TBC1D19: variants seen among roughly 807,000 people sequenced by gnomAD.
TBC1D19 encodes TBC1 domain family member 19, also known as TBC1 domain family, member 19.
A neutral mutation model predicts 89.0 loss-of-function variants in TBC1D19; 60 were observed. That is an observed-to-expected ratio of 0.67 (90% CI 0.55 to 0.84). The LOEUF (loss-of-function observed/expected upper bound fraction) is 0.84. TBC1D19 is among the 40% of genes least tolerant of loss of function. The pLI is 0.00. For synonymous variants in TBC1D19, 189 were observed against 199.7 expected, an observed-to-expected ratio of 0.95 and a Z score of 0.45; for missense variants, 500 against 610.8, an observed-to-expected ratio of 0.82 and a Z score of 1.91.
chr4:26,815,291 AT>A, the TBC1D19 span, among the ~76,000 whole-genome samples: 1 of 152,226 alleles, frequency 6.6e-6, no homozygotes. Context: ...TTGGCCCAAA[AT>A]GCTGATCTTT....
At chr4:26,732,360 G>T (rs1290034498) in intron 15 of TBC1D19, among the ~76,000 whole-genome samples, 1 of 152,172 alleles carries the variant, frequency 6.6e-6, no homozygotes, top group Non-Finnish European at 1.5e-5. Flanking sequence ...CTCCGCCCTA[G>T]CCTGGCCTTG....
At chr4:26,825,556 C>G in the TBC1D19 span, among the ~76,000 whole-genome samples, 11 of 152,284 alleles carry the variant, frequency 7.2e-5, no homozygotes, top group South Asian at 2.1e-3. Context: ...TGGAAACACT[C>G]ATTGTTCACT....
chr4:26,809,113 G>GA, the TBC1D19 span, among the ~76,000 whole-genome samples: 4 of 152,218 alleles, frequency 2.6e-5, no homozygotes, highest in Non-Finnish European at 5.9e-5. Context: ...GCTTTGCCAT[G>GA]AAGTGATGAG....
At chr4:26,686,017 G>A (rs1047010681) in intron 12 of TBC1D19, among the ~76,000 whole-genome samples, 1 of 152,112 alleles carries the variant, frequency 6.6e-6, no homozygotes, top group Non-Finnish European at 1.5e-5. Context: ...TAAGCTGTGC[G>A]CAACGTGAAT....
chr4:26,731,028 G>T (rs1933778971), intron 15 of TBC1D19, among the ~76,000 whole-genome samples: 1 of 152,202 alleles, frequency 6.6e-6, no homozygotes, highest in African/African-American at 2.4e-5. Flanking sequence ...CTGTGCCTTA[G>T]TCTAAAAGCA....
At chr4:26,743,159 A>G (rs778408650) in intron 18 of TBC1D19, among the ~76,000 whole-genome samples, 41 of 152,100 alleles carry the variant, frequency 2.7e-4, no homozygotes, top group Middle Eastern at 3.4e-3. Context: ...TATTGGTTCT[A>G]TCTCTCTCTT....
intron 1 of TBC1D19, among the ~76,000 whole-genome samples, chr4:26,609,361 G>A (rs1741220193): frequency 1.3e-5 from 2 of 152,200 alleles, no homozygotes; most frequent in South Asian, 4.1e-4. Context: ...TAGGTGAGCT[G>A]AAAATTACAT....
At chr4:26,771,232 A>G in the TBC1D19 span, among the ~76,000 whole-genome samples, 2 of 152,078 alleles carry the variant, frequency 1.3e-5, no homozygotes, top group Admixed American at 1.3e-4. Flanking sequence ...ACACTTGTAC[A>G]CTGTTAGTGG....
At chr4:26,630,086 A>G (rs866886775) in intron 4 of TBC1D19, among the ~76,000 whole-genome samples, 22 of 151,758 alleles carry the variant, frequency 1.4e-4, no homozygotes, top group African/African-American at 5.1e-4. Flanking sequence ...ATATGGTTTA[A>G]AAGTCATTTT....
chr4:26,604,940 C>CT lies in TBC1D19; in HGVS notation c.100-8228dup, dbSNP rs370333046. Among the ~76,000 whole-genome samples, 578 of 151,988 alleles carry CT rather than the reference C, an allele frequency of 3.8e-3. 2 individuals are homozygous for CT. Among genetic ancestry groups the CT allele is most frequent in the African/African-American group, 0.013 (554 of 41,466 alleles). ...ACTATGAACATTAGTGTGCAAATAT[C>CT]TGAGTGTCTGTTTTCATTTCTTTGG... On this transcript the variant is annotated intron_variant, in intron 1 of 20. Transcript: ENST00000264866.
chr4:26,788,693 C>G, the TBC1D19 span, among the ~76,000 whole-genome samples: 1 of 152,184 alleles, frequency 6.6e-6, no homozygotes, highest in Non-Finnish European at 1.5e-5. Flanking sequence ...TTAAATGTGT[C>G]AAGAAGGACC....
At chr4:26,651,776 TC>T (rs1364379806) in intron 7 of TBC1D19, among the ~76,000 whole-genome samples, 1 of 152,158 alleles carries the variant, frequency 6.6e-6, no homozygotes, top group Non-Finnish European at 1.5e-5. Flanking sequence ...AGAGAGGGCA[TC>T]CCTCTCTTGT....
intron 1 of TBC1D19, among the ~76,000 whole-genome samples, chr4:26,594,487 A>T (rs1360643488): frequency 1.3e-5 from 2 of 152,048 alleles, no homozygotes; most frequent in Non-Finnish European, 1.5e-5. Flanking sequence ...AGTGAGCCTT[A>T]TCTCTCCCTT....
chr4:26,834,383 CA>C, the TBC1D19 span, among the ~76,000 whole-genome samples: 1 of 152,188 alleles, frequency 6.6e-6, no homozygotes, highest in Non-Finnish European at 1.5e-5. Context: ...ATTAATTCAA[CA>C]AATATTCATT....
chr4:26,776,560 C>A, the TBC1D19 span, among the ~76,000 whole-genome samples: 2 of 152,230 alleles, frequency 1.3e-5, no homozygotes, highest in African/African-American at 4.8e-5. Flanking sequence ...ATATTGAATA[C>A]CCACCATCTG....
chr4:26,648,786 C>A (rs1034327515), intron 7 of TBC1D19, among the ~76,000 whole-genome samples: 2 of 152,108 alleles, frequency 1.3e-5, no homozygotes, highest in Non-Finnish European at 2.9e-5. Flanking sequence ...CCAAACTCTT[C>A]CCTTTTCTAG....
intron 1 of TBC1D19, among the ~76,000 whole-genome samples, chr4:26,601,854 T>G (rs192369762): frequency 3.2e-4 from 48 of 152,308 alleles, no homozygotes; most frequent in Middle Eastern, 3.4e-3. Context: ...TTTCATGCCT[T>G]TGCTCAGTCT....
At chr4:26,721,217 A>G (rs1302184583) in intron 15 of TBC1D19, among the ~76,000 whole-genome samples, 1 of 152,022 alleles carries the variant, frequency 6.6e-6, no homozygotes, top group East Asian at 1.9e-4. Flanking sequence ...AAAGCTTAAT[A>G]TGTCCCAGCC....
At chr4:26,685,820 A>G (rs1243931144) in intron 12 of TBC1D19, among the ~76,000 whole-genome samples, 1 of 152,200 alleles carries the variant, frequency 6.6e-6, no homozygotes, top group Non-Finnish European at 1.5e-5. Flanking sequence ...CTGTAAGACC[A>G]TTAGCCTCTT....
Sources: gnomAD v4.1 joint callset for allele counts (sites outside exome capture counted in the v4.1 genomes callset) on GRCh38, gnomAD v4.1.1 for gene constraint, MANE v1.5 for transcripts, NCBI Gene and HGNC (gene_info 2026-07-23, HGNC 2026-07-21) for gene names.